Variants in AREL1 observed in about 807,000 individuals in gnomAD.
The protein encoded by AREL1 is apoptosis-resistant E3 ubiquitin protein ligase 1.
AREL1 carries 62 observed loss-of-function variants against 99.0 expected under a neutral mutation model. The ratio of observed to expected loss-of-function variants is 0.63; its 90% confidence interval spans 0.51 to 0.77. The LOEUF is 0.77. Ranked by LOEUF, AREL1 falls within the 30% of genes least tolerant of loss-of-function variation. AREL1 has a pLI of 0.00. For missense variants in AREL1, 879 were observed against 1,027.6 expected (o/e 0.86, Z 1.98); for synonymous variants, 380 against 376.5 (o/e 1.01, Z -0.11).
intron 1 of AREL1, among the ~76,000 whole-genome samples, chr14:74,709,589 C>T (rs1252755146): frequency 6.6e-6 from 1 of 152,190 alleles, no homozygotes; most frequent in Non-Finnish European, 1.5e-5. Flanking sequence ...TAATCTATCT[C>T]TGAGGTATTC....
intron 15 of AREL1, among the ~76,000 whole-genome samples, chr14:74,668,301 A>G (rs552524427): frequency 1.3e-5 from 2 of 152,360 alleles, no homozygotes; most frequent in East Asian, 3.9e-4. Flanking sequence ...ACCATCATCC[A>G]GGAATATTTG....
chr14:74,677,377 T>C (rs1216138693), intron 5 of AREL1, among the ~76,000 whole-genome samples: 3 of 151,762 alleles, frequency 2.0e-5, no homozygotes, highest in Non-Finnish European at 2.9e-5. Context: ...CATGCCTGTG[T>C]CCCAGCTACT....
At chr14:74,670,458 G>A (rs1282616199) in intron 13 of AREL1, among the ~76,000 whole-genome samples, 1 of 152,112 alleles carries the variant, frequency 6.6e-6, no homozygotes, top group Non-Finnish European at 1.5e-5. Flanking sequence ...TCTAGTACAG[G>A]AATCATTTGC....
intron 4 of AREL1, 55 bp downstream of exon 4, chr14:74,684,395 TCTGG>T: frequency 1.3e-6 from 2 of 1,490,524 alleles, no homozygotes; most frequent in Middle Eastern, 3.7e-4. Flanking sequence ...GCACCTGGGC[TCTGG>T]AAAGCAAGTT....
At chr14:74,692,690 GAC>G (rs1247689839) in intron 1 of AREL1, among the ~76,000 whole-genome samples, 1 of 152,006 alleles carries the variant, frequency 6.6e-6, no homozygotes, top group East Asian at 1.9e-4. Context: ...TTCAGAATTA[GAC>G]ACAGTTTTTT....
chr14:74,687,854 A>C (rs1046132755), intron 2 of AREL1, among the ~76,000 whole-genome samples: 1 of 152,088 alleles, frequency 6.6e-6, no homozygotes, highest in African/African-American at 2.4e-5. Flanking sequence ...ACTTTCTTCA[A>C]AGAGAAATGC....
chr14:74,676,700 T>A lies in AREL1; in HGVS notation c.534A>T (p.Val178=). ...TKIVCHFSTL[V]LTCGQPHTLQ... The stretch of plus-strand genomic sequence containing the variant: ...GGGTGTGCGGCTGCCCACAGGTCAA[T>A]ACAAGAGTAGAAAAGTGGCACACAA... The change falls in exon 6 of 20, where the codon GTA becomes GTT. Residue 178 remains valine, a synonymous_variant. Coordinates refer to ENST00000356357, the MANE Select transcript of AREL1 (RefSeq NM_001039479.2). 6.2e-7 allele frequency: 1 copy of A among 1,613,560 alleles called. No homozygotes were observed. Among genetic ancestry groups the A allele is most frequent in the Non-Finnish European group, 8.5e-7 (1 of 1,179,740 alleles).
rs1388294670 is a variant in AREL1, at chr14:74,661,388, A to G, written c.*2332T>C. ...GCCAATTTTCCAGAAACATGCTGAC[A>G]CTCTCCTAGGTATTCACTCATGTCT... is the stretch of plus-strand genomic sequence containing the variant. On this transcript the variant is annotated 3_prime_UTR_variant, in exon 20 of 20. Coordinates refer to ENST00000356357, the MANE Select transcript of AREL1 (RefSeq NM_001039479.2). 1.8e-5 allele frequency: 8 copies of G among 454,916 alleles called. No individual in the cohort carries two copies. The highest frequency in any genetic ancestry group is 3.5e-5 in the Non-Finnish European group (8 of 226,112). 28.2% of individuals were successfully genotyped at this position (454,916 alleles called of 1,614,324 possible). A position where few individuals can be genotyped will look rare whatever the true frequency, so the allele number is the denominator to read the frequency against.
Position 74,683,483 on chromosome 14 carries a change from T to C in AREL1, c.294A>G (p.Leu98=), listed in dbSNP as rs182847429. 365 of 1,614,126 alleles carry C rather than the reference T, an allele frequency of 2.3e-4. 3 individuals are homozygous for C. The Admixed American group carries it at 5.9e-3, about 26-fold the overall frequency. Residue 98 remains leucine, a synonymous_variant, in exon 5 of 20, where the codon CTA becomes CTG. Coordinates refer to ENST00000356357, the MANE Select transcript of AREL1 (RefSeq NM_001039479.2). Reference sequence around the variant, plus strand: ...GCTCGACATGAGAGATGTGAACTCTTAGTCCCACAGGCCGATGTGCAGGGA... The same window carrying C: ...GCTCGACATGAGAGATGTGAACTCTCAGTCCCACAGGCCGATGTGCAGGGA... ...QPFPAHRPVG[L]RVHISHVELA...
rs757926059 is a variant in AREL1 at position 74,670,000 on chromosome 14, G to A, written c.1735C>T (p.Arg579Cys). The part of the protein sequence containing the change: ...GGAYKQLVRA[R>C]FTRSFLAQII... Reference sequence around the variant, plus strand: ...TGGGCCAGGAAAGAGCGGGTGAAGCGAGCTCGGACCAACTGCTTGTAGGCT... The same window carrying A: ...TGGGCCAGGAAAGAGCGGGTGAAGCAAGCTCGGACCAACTGCTTGTAGGCT... Residue 579 changes from arginine (R) to cysteine (C), a missense_variant, in exon 14 of 20, where the codon CGC becomes TGC. Arg to Cys is a radical substitution (Grantham distance 180). Transcript: ENST00000356357. The A allele has an allele frequency of 8.7e-6, 14 of 1,613,982 alleles. No homozygotes were observed. The highest frequency in any genetic ancestry group is 2.7e-5 in the African/African-American group (2 of 75,052).
intron 1 of AREL1, among the ~76,000 whole-genome samples, chr14:74,694,311 G>C (rs2089938853): frequency 2.0e-5 from 3 of 152,120 alleles, no homozygotes; most frequent in Non-Finnish European, 2.9e-5. Context: ...AGCTATAAGA[G>C]AGCACTATGT....
chr14:74,675,230 T>C (rs2089444499), intron 8 of AREL1, among the ~76,000 whole-genome samples: 2 of 152,202 alleles, frequency 1.3e-5, no homozygotes, highest in Admixed American at 1.3e-4. Flanking sequence ...CACAGCAAAG[T>C]GTTCTGAAGT....
At chr14:74,680,814 G>C (rs1386141512) in intron 5 of AREL1, among the ~76,000 whole-genome samples, 1 of 152,196 alleles carries the variant, frequency 6.6e-6, no homozygotes, top group African/African-American at 2.4e-5. Flanking sequence ...TAGGGTTTCA[G>C]ATTTTTGGCC....
rs141315233 is a variant in AREL1 at position 74,664,015 on chromosome 14, T to A, written c.2253A>T (p.Leu751=). 5.0e-5 allele frequency: 81 copies of A among 1,614,084 alleles called. No individual in the cohort carries two copies. The East Asian group carries it at 5.8e-4, about 12-fold the overall frequency. The part of the protein sequence containing the change: ...SSLTQEELAR[L]LQFTTGSSQL... ...GAGAGGAGCCTGTTGTGAACTGAAG[T>A]AGCCGAGCCAACTCCTCCTGGGTCA... The change falls in exon 19 of 20, where the codon CTA becomes CTT. Residue 751 remains leucine, a synonymous_variant. Coordinates refer to ENST00000356357, the MANE Select transcript of AREL1 (RefSeq NM_001039479.2).
At chr14:74,667,430 T>G in intron 16 of AREL1, 35 bp downstream of exon 16, 1 of 1,614,138 alleles carries the variant, frequency 6.2e-7, no homozygotes, top group Non-Finnish European at 8.5e-7. Flanking sequence ...ATACAGGTAT[T>G]TTAACTTCAA....
At chr14:74,665,026 C>T (rs1478249662) in intron 17 of AREL1, 101 bp from the exon 18 acceptor site, 2 of 883,846 alleles carry the variant, frequency 2.3e-6, no homozygotes, top group Non-Finnish European at 3.5e-6. Flanking sequence ...TAGAAGAAAA[C>T]ATTACCAGGA....
rs1594767920 is a variant in AREL1 at position 74,684,382 on chromosome 14, C to A, written c.243+72G>T. On this transcript the variant is annotated intron_variant, in intron 4 of 19. Coordinates refer to ENST00000356357, the MANE Select transcript of AREL1 (RefSeq NM_001039479.2). ...CAAGAGAAAATGTTAACATTCCAGGCCAGCACCTGGGCTCTGGAAAGCAAG... is the reference window on the plus strand; with the variant it reads ...CAAGAGAAAATGTTAACATTCCAGGACAGCACCTGGGCTCTGGAAAGCAAG... The A allele has an allele frequency of 1.6e-5, 22 of 1,360,662 alleles. No homozygotes were observed. In the East Asian group the frequency reaches 5.1e-4, roughly 31 times the overall value. The allele number at this position is 1,360,662 out of a possible 1,614,324, so 84.3% of individuals were successfully genotyped here. A position where few individuals can be genotyped will look rare whatever the true frequency, so the allele number is the denominator to read the frequency against.
Position 74,683,491 on chromosome 14 carries a change from C to G in AREL1, c.286G>C (p.Val96Leu). The change falls in exon 5 of 20, where the codon GTG becomes CTG. Residue 96 changes from valine (V) to leucine (L), a missense_variant. Physicochemically the swap from Val to Leu is conservative, Grantham distance 32. Transcript: ENST00000356357. Reference protein sequence around the residue: ...NGQPFPAHRPVGLRVHISHVE... With the variant: ...NGQPFPAHRPLGLRVHISHVE... Reference sequence around the variant, plus strand: ...TGAGAGATGTGAACTCTTAGTCCCACAGGCCGATGTGCAGGGAAAGGCTGC... The same window carrying G: ...TGAGAGATGTGAACTCTTAGTCCCAGAGGCCGATGTGCAGGGAAAGGCTGC... 1 of 1,614,110 alleles carries G rather than the reference C, an allele frequency of 6.2e-7. No individual in the cohort carries two copies. The highest frequency in any genetic ancestry group is 8.5e-7 in the Non-Finnish European group (1 of 1,180,014).
At position 74,684,613 on chromosome 14, in the gene AREL1, A is replaced by C; in HGVS notation, c.84T>G (p.Arg28=). 6.2e-7 allele frequency: 1 copy of C among 1,614,230 alleles called. No individual in the cohort carries two copies. The highest frequency in any genetic ancestry group is 8.5e-7 in the Non-Finnish European group (1 of 1,180,032). The change falls in exon 4 of 20, where the codon CGT becomes CGG. Residue 28 remains arginine, a synonymous_variant. Transcript: ENST00000356357. ...CCTCATTCTGGAGGAAGCTGACTAC[A>C]CGTGCGGCAAGCTCAAAGAGGAACT... ...TIKFLFELAA[R]VVSFLQNEDR...
Sources: allele counts gnomAD v4.1 joint callset (sites outside exome capture counted in the v4.1 genomes callset), GRCh38; gene constraint gnomAD v4.1.1; transcripts MANE v1.5; gene names NCBI Gene and HGNC (gene_info 2026-07-23, HGNC 2026-07-21).